The following TOM1L1 variants were observed in gnomAD, a reference collection of about 807,000 sequenced individuals.
TOM1L1 encodes target of myb1 like 1 membrane trafficking protein, also known as TOM1-like protein 1.
Under a neutral mutation model 63.4 loss-of-function variants are expected in TOM1L1, and 64 were observed. That is an observed-to-expected ratio of 1.01 (90% CI 0.83 to 1.24). The LOEUF is 1.24. TOM1L1 is among the 50% of genes most tolerant of loss of function. The probability of loss-of-function intolerance (pLI) is 0.00; values close to 1 mark genes in which losing one functional copy is unlikely to be tolerated. For missense variants in TOM1L1, 536 were observed against 567.0 expected, an observed-to-expected ratio of 0.95 and a Z score of 0.55; for synonymous variants, 166 against 194.4, an observed-to-expected ratio of 0.85 and a Z score of 1.22.
chr17:54,931,949 G>GTTTTTTTTTTTTTTTTTTTT (rs10632110), intron 8 of TOM1L1, among the ~76,000 whole-genome samples: 2 of 121,478 alleles, frequency 1.6e-5, no homozygotes, highest in African/African-American at 6.5e-5. Flanking sequence ...TTTTTTCTTC[G>GTTTTTTTTTTTTTTTTTTTT]TTTTTTTTTT....
chr17:54,948,956 T>A (rs977159577), intron 12 of TOM1L1, among the ~76,000 whole-genome samples: 2 of 152,050 alleles, frequency 1.3e-5, no homozygotes, highest in African/African-American at 4.8e-5. Context: ...GCTTCATTTT[T>A]AAAAGCAATA....
Position 54,907,245 on chromosome 17 carries a change from G to C in TOM1L1, c.222+1678G>C, listed in dbSNP as rs575445930. On this transcript the variant is annotated intron_variant, in intron 3 of 15. Transcript: ENST00000575882. Reference sequence around the variant, plus strand: ...GAGAGAGGAGTGAGGCACTTCTGTAGAAATCCCAGAATGATGGGTCACTGA... The same window carrying C: ...GAGAGAGGAGTGAGGCACTTCTGTACAAATCCCAGAATGATGGGTCACTGA... Among the ~76,000 whole-genome samples the C allele has an allele frequency of 2.4e-4, 36 of 150,356 alleles. No individual in the cohort carries two copies. The South Asian group carries it at 5.7e-3, about 24-fold the overall frequency.
rs990049777 is a variant in TOM1L1, at chr17:54,960,559, G to A, written c.1371-7G>A. 1.9e-6 allele frequency: 3 copies of A among 1,612,090 alleles called. No individual in the cohort carries two copies. The highest frequency in any genetic ancestry group is 2.5e-6 in the Non-Finnish European group (3 of 1,178,972). On this transcript the variant is annotated splice_polypyrimidine_tract_variant and splice_region_variant and intron_variant, in intron 14 of 15. Transcript: ENST00000575882. ...ATAACCCTTTTGCTGTGATGGCTTT[G>A]TTTCAGAGCTATTTATGAAGAAATT...
chr17:54,938,745 G>T, intron 10 of TOM1L1, 179 bp from the exon 11 acceptor site: 2 of 488,132 alleles, frequency 4.1e-6, no homozygotes, highest in South Asian at 3.5e-5. Context: ...TTCTCTTAGA[G>T]CTAGGAAATC....
At chr17:54,903,906 C>T in intron 2 of TOM1L1, 114 bp downstream of exon 2, 1 of 840,736 alleles carries the variant, frequency 1.2e-6, no homozygotes, top group South Asian at 1.7e-5. Context: ...TTTCATCATT[C>T]ATTAGGCACC....
At chr17:54,914,224 A>G (rs1567823215) in intron 5 of TOM1L1, among the ~76,000 whole-genome samples, 1 of 152,100 alleles carries the variant, frequency 6.6e-6, no homozygotes, top group Non-Finnish European at 1.5e-5. Context: ...GCATTGACCC[A>G]AGGAGGGTCA....
chr17:54,914,500 G>C (rs1279504600), intron 5 of TOM1L1, 139 bp from the exon 6 acceptor site: 3 of 641,948 alleles, frequency 4.7e-6, no homozygotes. Context: ...TGGACGGGTT[G>C]TGTAGCTGAT....
chr17:54,925,188 C>T (rs1371050801), intron 7 of TOM1L1, among the ~76,000 whole-genome samples: 3 of 152,200 alleles, frequency 2.0e-5, no homozygotes, highest in Admixed American at 6.5e-5. Context: ...AGGGCTTGAT[C>T]GCTACCCTGG....
intron 7 of TOM1L1, among the ~76,000 whole-genome samples, chr17:54,923,387 A>C (rs1355994382): frequency 6.6e-6 from 1 of 151,910 alleles, no homozygotes; most frequent in African/African-American, 2.4e-5. Flanking sequence ...TCCACAATGA[A>C]TACTTGTTAT....
At chr17:54,901,080 G>C (rs1036058081) in intron 1 of TOM1L1, 157 bp downstream of exon 1, 1 of 987,276 alleles carries the variant, frequency 1.0e-6, no homozygotes, top group African/African-American at 1.6e-5. Context: ...CATTCCACCC[G>C]GCCCCCTTTC....
chr17:54,941,817 C>T (rs2049035621), intron 11 of TOM1L1, among the ~76,000 whole-genome samples: 1 of 152,126 alleles, frequency 6.6e-6, no homozygotes, highest in African/African-American at 2.4e-5. Context: ...ACATGCATTC[C>T]AGGAGGATCA....
At chr17:54,951,114 T>C (rs1296563038) in intron 14 of TOM1L1, among the ~76,000 whole-genome samples, 2 of 152,200 alleles carry the variant, frequency 1.3e-5, no homozygotes, top group African/African-American at 4.8e-5. Context: ...ACTGACTGGC[T>C]TCAAGTTGGG....
chr17:54,960,523 G>T (rs1325115509), intron 14 of TOM1L1, 43 bp from the exon 15 acceptor site: 7 of 1,546,860 alleles, frequency 4.5e-6, no homozygotes, highest in Middle Eastern at 2.0e-4. Flanking sequence ...ATAGCACTTT[G>T]AAATTGATAC....
chr17:54,940,126 G>A (rs56084745), intron 11 of TOM1L1, among the ~76,000 whole-genome samples: 1,633 of 152,206 alleles, frequency 0.011, 26 homozygotes, highest in African/African-American at 0.036. Context: ...AAACACCTGG[G>A]CTCAAGCGAT....
intron 11 of TOM1L1, among the ~76,000 whole-genome samples, chr17:54,947,011 T>C (rs2049130563): frequency 6.6e-6 from 1 of 152,160 alleles, no homozygotes; most frequent in Non-Finnish European, 1.5e-5. Context: ...GCTACACTGA[T>C]GGAAAGACTA....
intron 7 of TOM1L1, among the ~76,000 whole-genome samples, chr17:54,924,814 T>C (rs1182862078): frequency 1.3e-5 from 2 of 152,228 alleles, no homozygotes; most frequent in African/African-American, 2.4e-5. Context: ...AATTCAAATC[T>C]GTATTCTTGG....
intron 14 of TOM1L1, chr17:54,958,371 T>A (rs563885285): frequency 6.6e-6 from 1 of 152,170 alleles, no homozygotes; most frequent in Admixed American, 6.5e-5. Flanking sequence ...GAAAAGCACA[T>A]GAGAGATTAA....
chr17:54,931,455 GT>G (rs2143862853), intron 8 of TOM1L1, among the ~76,000 whole-genome samples: 1 of 152,128 alleles, frequency 6.6e-6, no homozygotes, highest in Admixed American at 6.6e-5. Flanking sequence ...TATTGACTAG[GT>G]TTTTCTTCCC....
Position 54,901,010 on chromosome 17 carries a change from G to A in TOM1L1, c.58+87G>A. On this transcript the variant is annotated intron_variant, in intron 1 of 15. Coordinates refer to ENST00000575882, the MANE Select transcript of TOM1L1 (RefSeq NM_005486.3). ...GATCCATTCTCGGCCTGCAGAGGAC[G>A]GAGTTAGTCCAACTTGAAAAAATTA... The A allele has an allele frequency of 2.5e-6, 4 of 1,574,350 alleles. No homozygotes were observed. In the Admixed American group the frequency reaches 5.1e-5, roughly 20 times the overall value.
Sources: allele counts gnomAD v4.1 joint callset (sites outside exome capture counted in the v4.1 genomes callset), GRCh38; gene constraint gnomAD v4.1.1; transcripts MANE v1.5; gene names NCBI Gene and HGNC (gene_info 2026-07-23, HGNC 2026-07-21).